Variants in CSMD3 observed in about 807,000 individuals in gnomAD.
CSMD3 encodes the protein CUB and Sushi multiple domains 3.
CSMD3 carries 177 observed loss-of-function variants against 435.2 expected under a neutral mutation model. That is an observed-to-expected ratio of 0.41 (90% CI 0.36 to 0.46). CSMD3 has a LOEUF of 0.46. Ranked by LOEUF, CSMD3 falls within the 20% of genes least tolerant of loss-of-function variation. The probability of loss-of-function intolerance (pLI) is 0.34; values close to 1 mark genes in which losing one functional copy is unlikely to be tolerated. For synonymous variants in CSMD3, 1,656 were observed against 1,520.5 expected (o/e 1.09, Z -2.07); for missense variants, 4,265 against 4,504.6 (o/e 0.95, Z 1.52).
At chr8:112,665,734 C>T (rs1037375789) in intron 17 of CSMD3, among the ~76,000 whole-genome samples, 5 of 151,902 alleles carry the variant, frequency 3.3e-5, no homozygotes, top group African/African-American at 1.2e-4. Flanking sequence ...TTAAAATATA[C>T]AATATTATAG....
At chr8:112,975,763 C>A (rs2084821398) in intron 7 of CSMD3, 74 bp downstream of exon 7, 1 of 1,607,256 alleles carries the variant, frequency 6.2e-7, no homozygotes, top group African/African-American at 1.3e-5. Flanking sequence ...TCAGCTCATT[C>A]TCTAATTAGA....
At chr8:112,521,636 A>G (rs1824293151) in intron 27 of CSMD3, among the ~76,000 whole-genome samples, 1 of 151,868 alleles carries the variant, frequency 6.6e-6, no homozygotes, top group African/African-American at 2.4e-5. Context: ...TCATAAGTTT[A>G]AGTATTATTT....
intron 13 of CSMD3, among the ~76,000 whole-genome samples, chr8:112,767,533 C>T (rs1486743131): frequency 1.3e-5 from 2 of 151,748 alleles, no homozygotes; most frequent in East Asian, 1.9e-4. Context: ...AGTTTCCTCA[C>T]ATGTAAAACT....
chr8:112,374,588 C>G (rs959008934), intron 38 of CSMD3, among the ~76,000 whole-genome samples: 9 of 152,138 alleles, frequency 5.9e-5, no homozygotes, highest in African/African-American at 1.9e-4. Flanking sequence ...TATTATTTTT[C>G]TATATCTTTA....
At chr8:112,377,672 G>C (rs1829072769) in intron 38 of CSMD3, among the ~76,000 whole-genome samples, 1 of 151,828 alleles carries the variant, frequency 6.6e-6, no homozygotes, top group Non-Finnish European at 1.5e-5. Flanking sequence ...TTTATTCCTG[G>C]GATGCAACAA....
At chr8:113,036,905 GAC>G (rs2087378078) in intron 5 of CSMD3, among the ~76,000 whole-genome samples, 3 of 152,016 alleles carry the variant, frequency 2.0e-5, no homozygotes, top group Non-Finnish European at 4.4e-5. Context: ...TATTTAAGGA[GAC>G]ATTTTAGCAT....
At chr8:112,553,261 A>C (rs1275961231) in intron 25 of CSMD3, among the ~76,000 whole-genome samples, 3 of 152,084 alleles carry the variant, frequency 2.0e-5, no homozygotes, top group Admixed American at 2.0e-4. Flanking sequence ...AGTAAAATCT[A>C]GTTAGGTTTT....
intron 3 of CSMD3, among the ~76,000 whole-genome samples, chr8:113,192,583 T>C (rs2033394949): frequency 1.3e-5 from 2 of 151,708 alleles, no homozygotes; most frequent in South Asian, 4.1e-4. Context: ...TATTTCTATT[T>C]CCTATATCTC....
chr8:112,779,197 G>GTA (rs1260133956), intron 13 of CSMD3, among the ~76,000 whole-genome samples: 2 of 151,430 alleles, frequency 1.3e-5, no homozygotes, highest in African/African-American at 2.4e-5. Context: ...GTGTGTGTGT[G>GTA]TATATGTATT....
intron 27 of CSMD3, among the ~76,000 whole-genome samples, chr8:112,544,862 T>G (rs1014118172): frequency 6.6e-6 from 1 of 152,208 alleles, no homozygotes; most frequent in Non-Finnish European, 1.5e-5. Flanking sequence ...TCATTAAACA[T>G]TTAATTTTTA....
chr8:112,604,636 AC>A (rs2131434512), intron 22 of CSMD3, among the ~76,000 whole-genome samples: 1 of 152,248 alleles, frequency 6.6e-6, no homozygotes, highest in East Asian at 1.9e-4. Context: ...ACAAAAACCA[AC>A]TCGGGATGGA....
At chr8:113,065,504 A>G (rs556688151) in intron 5 of CSMD3, among the ~76,000 whole-genome samples, 81 of 152,200 alleles carry the variant, frequency 5.3e-4, no homozygotes, top group Middle Eastern at 6.8e-3. Flanking sequence ...CTCCTGCCTC[A>G]GCCTCCCGAG....
At chr8:113,295,068 A>C (rs1300121760) in intron 2 of CSMD3, among the ~76,000 whole-genome samples, 1 of 152,082 alleles carries the variant, frequency 6.6e-6, no homozygotes. Context: ...AGGTGCATAT[A>C]TTTATGGGGT....
At chr8:112,257,679 T>C (rs560289189) in intron 61 of CSMD3, among the ~76,000 whole-genome samples, 25 of 152,270 alleles carry the variant, frequency 1.6e-4, no homozygotes, top group African/African-American at 6.0e-4. Context: ...ATAGGAAGAA[T>C]TAATATTGTA....
At chr8:112,870,207 T>C (rs1198602604) in intron 10 of CSMD3, among the ~76,000 whole-genome samples, 1 of 151,154 alleles carries the variant, frequency 6.6e-6, no homozygotes, top group Non-Finnish European at 1.5e-5. Flanking sequence ...TCAACATCAG[T>C]AATCATTAGA....
chr8:112,930,337 C>T (rs920281695), intron 9 of CSMD3, among the ~76,000 whole-genome samples: 27 of 151,960 alleles, frequency 1.8e-4, no homozygotes, highest in African/African-American at 6.3e-4. Context: ...TTTTTCCAGG[C>T]TTATATTATA....
rs376228829 is a variant in CSMD3, at chr8:113,376,863, G to T, written c.178+59814C>A. On this transcript the variant is annotated intron_variant, in intron 1 of 70. Transcript: ENST00000297405. ...ACCGGCCACCTCTGCCCCTTTCCCGGATGATCTGGAAGATGAAGCTTCCTG... is the reference window on the plus strand; with the variant it reads ...ACCGGCCACCTCTGCCCCTTTCCCGTATGATCTGGAAGATGAAGCTTCCTG... 2.2e-5 allele frequency: 36 copies of T among 1,611,082 alleles called. 1 individual carries two copies. In the African/African-American group the frequency reaches 3.3e-4, roughly 15 times the overall value.
intron 36 of CSMD3, among the ~76,000 whole-genome samples, chr8:112,385,377 T>C (rs1161353410): frequency 1.3e-5 from 2 of 152,138 alleles, no homozygotes; most frequent in African/African-American, 4.8e-5. Context: ...AAAGCTTAGC[T>C]AAGAGGAAGA....
At chr8:113,068,354 C>G (rs971475784) in intron 5 of CSMD3, among the ~76,000 whole-genome samples, 1 of 152,016 alleles carries the variant, frequency 6.6e-6, no homozygotes, top group Non-Finnish European at 1.5e-5. Context: ...ATGAGATGGA[C>G]ATTAATATGC....
Sources: gnomAD v4.1 joint callset for allele counts (sites outside exome capture counted in the v4.1 genomes callset) on GRCh38, gnomAD v4.1.1 for gene constraint, MANE v1.5 for transcripts, NCBI Gene and HGNC (gene_info 2026-07-23, HGNC 2026-07-21) for gene names.